Variants in CENPP observed in about 807,000 individuals in gnomAD.
CENPP encodes centromere protein P.
A neutral mutation model predicts 35.6 loss-of-function variants in CENPP; 24 were observed. The ratio of observed to expected loss-of-function variants is 0.67; its 90% CI spans 0.49 to 0.95. CENPP has a LOEUF of 0.95. CENPP is among the 40% of genes least tolerant of loss of function. The probability of loss-of-function intolerance (pLI) is 0.00; values close to 1 mark genes in which losing one functional copy is unlikely to be tolerated. For synonymous variants in CENPP, 120 were observed against 125.5 expected (o/e 0.96, Z 0.29); for missense variants, 332 against 345.3 (o/e 0.96, Z 0.31).
At chr9:92,478,350 G>C (rs1404247565) in intron 5 of CENPP, among the ~76,000 whole-genome samples, 1 of 152,122 alleles carries the variant, frequency 6.6e-6, no homozygotes, top group Non-Finnish European at 1.5e-5. Flanking sequence ...ACAATTTCTT[G>C]AGGCTTAATC....
At chr9:92,556,006 C>G (rs757690943) in intron 5 of CENPP, among the ~76,000 whole-genome samples, 3 of 152,052 alleles carry the variant, frequency 2.0e-5, no homozygotes, top group Non-Finnish European at 4.4e-5. Context: ...CTCTTTCAGA[C>G]TTTTTGATGT....
chr9:92,592,567 C>T (rs1356981322), intron 5 of CENPP, among the ~76,000 whole-genome samples: 1 of 152,184 alleles, frequency 6.6e-6, no homozygotes, highest in African/African-American at 2.4e-5. Flanking sequence ...GGGTATTCCT[C>T]AGTTCTGGCT....
At chr9:92,416,046 T>TATG (rs1202073989) in intron 5 of CENPP, among the ~76,000 whole-genome samples, 339 of 100,366 alleles carry the variant, frequency 3.4e-3, no homozygotes, top group South Asian at 0.012. Context: ...AATAAATATA[T>TATG]TATATATGTG....
intron 5 of CENPP, among the ~76,000 whole-genome samples, chr9:92,548,669 T>C (rs1350498433): frequency 2.0e-5 from 3 of 152,160 alleles, no homozygotes; most frequent in Admixed American, 2.0e-4. Context: ...TAGTTAAGAA[T>C]GAAGTAACAA....
chr9:92,426,738 T>C (rs1367209201), intron 5 of CENPP, among the ~76,000 whole-genome samples: 4 of 151,928 alleles, frequency 2.6e-5, no homozygotes, highest in South Asian at 4.2e-4. Flanking sequence ...CGAGGTGAGG[T>C]GGTGACAGTG....
chr9:92,615,778 T>TATCA lies in CENPP; in HGVS notation c.*2630_*2633dup, dbSNP rs1354767393. On this transcript the variant is annotated 3_prime_UTR_variant, in exon 8 of 8. Coordinates refer to ENST00000375587, the MANE Select transcript of CENPP (RefSeq NM_001012267.3). Reference sequence around the variant, plus strand: ...CACCCAACACAACAGAAAATATCTCTATCATTCAGCCTTCACATTATGTTC... The same window carrying TATCA: ...CACCCAACACAACAGAAAATATCTCTATCAATCATTCAGCCTTCACATTATGTTC... 59 of 1,398,924 alleles carry TATCA rather than the reference T, an allele frequency of 4.2e-5. No homozygotes were observed. The African/African-American group carries it at 6.1e-4, about 14-fold the overall frequency. 86.7% of individuals were successfully genotyped at this position (1,398,924 alleles called of 1,614,324 possible).
intron 5 of CENPP, among the ~76,000 whole-genome samples, chr9:92,509,362 A>G (rs1449313544): frequency 6.6e-6 from 1 of 152,210 alleles, no homozygotes; most frequent in African/African-American, 2.4e-5. Flanking sequence ...TGCAGTGCCC[A>G]TTTATTCATA....
At chr9:92,413,108 G>A (rs973600990) in intron 5 of CENPP, among the ~76,000 whole-genome samples, 7 of 147,066 alleles carry the variant, frequency 4.8e-5, no homozygotes, top group African/African-American at 1.8e-4. Context: ...CCTCAGCCTC[G>A]CAAGTAGCCG....
At chr9:92,464,484 T>C (rs915312957) in intron 5 of CENPP, among the ~76,000 whole-genome samples, 9 of 152,238 alleles carry the variant, frequency 5.9e-5, no homozygotes, top group African/African-American at 1.9e-4. Context: ...GCATGTCCAT[T>C]CCTGCCAGAG....
intron 4 of CENPP, among the ~76,000 whole-genome samples, chr9:92,348,854 A>G (rs543993794): frequency 1.3e-5 from 2 of 152,358 alleles, no homozygotes; most frequent in African/African-American, 2.4e-5. Context: ...ATCTTTAAAC[A>G]TACTCTTTCA....
At chr9:92,330,362 C>T (rs1840701524) in intron 1 of CENPP, among the ~76,000 whole-genome samples, 1 of 152,198 alleles carries the variant, frequency 6.6e-6, no homozygotes, top group Non-Finnish European at 1.5e-5. Flanking sequence ...TTAAGAGTTA[C>T]TGGCATAGAG....
intron 5 of CENPP, among the ~76,000 whole-genome samples, chr9:92,603,740 C>A (rs913840042): frequency 6.6e-6 from 1 of 152,170 alleles, no homozygotes; most frequent in East Asian, 1.9e-4. Context: ...GATGCCACAC[C>A]CCCAGAGCAC....
chr9:92,359,721 G>A (rs1051366714), intron 4 of CENPP, among the ~76,000 whole-genome samples: 8 of 151,988 alleles, frequency 5.3e-5, no homozygotes, highest in Admixed American at 2.0e-4. Context: ...CTGACTCTTT[G>A]TCTACACTTC....
chr9:92,524,139 A>G (rs1025241913), intron 5 of CENPP, among the ~76,000 whole-genome samples: 4 of 151,934 alleles, frequency 2.6e-5, no homozygotes, highest in Non-Finnish European at 4.4e-5. Flanking sequence ...TCCACAACCC[A>G]TTTTCCCAGC....
At chr9:92,501,694 C>T (rs1846686545) in intron 5 of CENPP, among the ~76,000 whole-genome samples, 1 of 152,220 alleles carries the variant, frequency 6.6e-6, no homozygotes, top group Non-Finnish European at 1.5e-5. Flanking sequence ...GACTTCTCTG[C>T]CTACAGTGGG....
intron 5 of CENPP, among the ~76,000 whole-genome samples, chr9:92,461,698 A>G (rs7033979): frequency 0.37 from 56,084 of 152,042 alleles, 12,622 homozygotes; most frequent in African/African-American, 0.63. Flanking sequence ...CCATTCTGTC[A>G]TTAGGAATTG....
chr9:92,543,196 G>T (rs546046088), intron 5 of CENPP, among the ~76,000 whole-genome samples: 1 of 152,194 alleles, frequency 6.6e-6, no homozygotes, highest in Admixed American at 6.5e-5. Context: ...ATTGGTGCCA[G>T]CCTCGTGGCT....
chr9:92,371,673 A>G (rs553346221), intron 4 of CENPP, among the ~76,000 whole-genome samples: 7 of 152,044 alleles, frequency 4.6e-5, no homozygotes, highest in African/African-American at 1.7e-4. Context: ...TTTGTTTATT[A>G]TCTGTCTAAT....
At chr9:92,611,251 C>T (rs1851234344) in intron 5 of CENPP, 63 bp from the exon 6 acceptor site, 1 of 1,354,080 alleles carries the variant, frequency 7.4e-7, no homozygotes, top group Non-Finnish European at 1.1e-6. Flanking sequence ...TGCCCCGTGC[C>T]CCTCCCATGG....
Sources: gnomAD v4.1 joint callset for allele counts (sites outside exome capture counted in the v4.1 genomes callset) on GRCh38, gnomAD v4.1.1 for gene constraint, MANE v1.5 for transcripts, NCBI Gene and HGNC (gene_info 2026-07-23, HGNC 2026-07-21) for gene names.